The following VDAC2 variants were observed in gnomAD, a reference collection of about 807,000 sequenced individuals.
VDAC2 encodes the protein non-selective voltage-gated ion channel VDAC2.
Under a neutral mutation model 36.6 loss-of-function variants are expected in VDAC2, and 6 were observed. The observed-to-expected ratio is 0.16, with a 90% CI of 0.09 to 0.32. VDAC2 has a LOEUF of 0.32. VDAC2 is among the 10% of genes least tolerant of loss of function. The pLI, the probability that VDAC2 is intolerant of heterozygous loss-of-function variation, is 1.00. For synonymous variants in VDAC2, 109 were observed against 123.8 expected, an observed-to-expected ratio of 0.88 and a Z score of 0.79; for missense variants, 247 against 346.0, an observed-to-expected ratio of 0.71 and a Z score of 2.27.
chr10:75,223,713 T>TTAGG (rs1182389276), intron 8 of VDAC2, among the ~76,000 whole-genome samples: 1 of 152,216 alleles, frequency 6.6e-6, no homozygotes, highest in East Asian at 1.9e-4. Context: ...CTGGCCACCT[T>TTAGG]TAGGTAGCTT....
intron 3 of VDAC2, among the ~76,000 whole-genome samples, chr10:75,213,480 C>G (rs1170986733): frequency 6.6e-6 from 1 of 152,102 alleles, no homozygotes; most frequent in Non-Finnish European, 1.5e-5. Context: ...CGTGGTGGCT[C>G]ACACCTGTAA....
At chr10:75,216,180 T>C (rs1166842963) in intron 4 of VDAC2, among the ~76,000 whole-genome samples, 1 of 152,202 alleles carries the variant, frequency 6.6e-6, no homozygotes, top group African/African-American at 2.4e-5. Context: ...AATGTTCCCA[T>C]TGTTAGTCTA....
intron 6 of VDAC2, 54 bp from the exon 7 acceptor site, chr10:75,220,689 G>T: frequency 1.3e-6 from 2 of 1,485,188 alleles, no homozygotes; most frequent in South Asian, 1.2e-5. Context: ...GTGCTCTCTT[G>T]TGCAGAAGTG....
chr10:75,220,273 AT>A (rs1367567373), intron 6 of VDAC2, among the ~76,000 whole-genome samples: 3 of 150,642 alleles, frequency 2.0e-5, no homozygotes, highest in Non-Finnish European at 4.4e-5. Context: ...GCCTGGCTAA[AT>A]TTTTTTGTAT....
At chr10:75,215,877 A>G (rs941939804) in intron 4 of VDAC2, among the ~76,000 whole-genome samples, 2 of 151,976 alleles carry the variant, frequency 1.3e-5, no homozygotes, top group African/African-American at 4.8e-5. Flanking sequence ...GCTTGCCACC[A>G]TGCCCCGCTA....
At chr10:75,216,610 G>A (rs1841612834) in intron 4 of VDAC2, among the ~76,000 whole-genome samples, 2 of 152,130 alleles carry the variant, frequency 1.3e-5, no homozygotes, top group African/African-American at 4.8e-5. Context: ...CAAAATTTCT[G>A]GTGGTAAAGG....
chr10:75,222,482 T>C, intron 8 of VDAC2, 80 bp downstream of exon 8: 2 of 1,547,026 alleles, frequency 1.3e-6, no homozygotes, highest in South Asian at 2.4e-5. Context: ...TGTTGAAAAT[T>C]TGAACTGATT....
At chr10:75,219,608 C>G (rs1841740041) in intron 6 of VDAC2, among the ~76,000 whole-genome samples, 1 of 151,912 alleles carries the variant, frequency 6.6e-6, no homozygotes, top group African/African-American at 2.4e-5. Context: ...CTCTGCCTCC[C>G]TGAGTAGCTG....
At chr10:75,210,997 AGG>A in intron 1 of VDAC2, 59 bp downstream of exon 1, 1 of 778,088 alleles carries the variant, frequency 1.3e-6, no homozygotes, top group African/African-American at 1.8e-5. Context: ...GCCAAGCCGG[AGG>A]CCCGCGCCGG....
intron 3 of VDAC2, 31 bp downstream of exon 3, chr10:75,212,329 TAA>T: frequency 6.3e-7 from 1 of 1,580,558 alleles, no homozygotes; most frequent in South Asian, 1.1e-5. Flanking sequence ...ACGTTTTAGA[TAA>T]AGAGTGAAAA....
chr10:75,218,782 G>T (rs983953749), intron 4 of VDAC2, among the ~76,000 whole-genome samples: 2 of 151,870 alleles, frequency 1.3e-5, no homozygotes, highest in African/African-American at 4.8e-5. Context: ...AAGGTGTACA[G>T]TTTGTTCACT....
At chr10:75,213,424 A>G (rs1841493123) in intron 3 of VDAC2, among the ~76,000 whole-genome samples, 1 of 152,204 alleles carries the variant, frequency 6.6e-6, no homozygotes, top group South Asian at 2.1e-4. Context: ...CAGTTGAATG[A>G]TTTTTTAATC....
chr10:75,220,723 T>C lies in VDAC2; in HGVS notation c.357-20T>C. ...TGTGTGTAAATTTTTCCCAATGACA[T>C]CAGTTTGTTCTTTTTCCAGAAAGAA... On this transcript the variant is annotated intron_variant, in intron 6 of 9. Transcript: ENST00000332211. 1 of 1,596,062 alleles carries C rather than the reference T, an allele frequency of 6.3e-7. No homozygotes were observed. The highest frequency in any genetic ancestry group is 8.6e-7 in the Non-Finnish European group (1 of 1,168,028).
In VDAC2 at chr10:75,229,668, A is replaced by G. The variant is rs1419525473; in HGVS notation, c.760A>G (p.Ile254Val). The G allele has an allele frequency of 6.2e-7, 1 of 1,607,232 alleles. No homozygotes were observed. Among genetic ancestry groups the G allele is most frequent in the Non-Finnish European group, 8.5e-7 (1 of 1,178,084 alleles). The part of the protein sequence containing the change: ...ISAKVNNSSL[I>V]GVGYTQTLRP... ...GGCAAAAGTCAACAACTCTAGCTTA[A>G]TTGGAGTAGGCTATACTCAGACTCT... The change falls in exon 9 of 10, where the codon ATT becomes GTT. Residue 254 changes from isoleucine (I) to valine (V), a missense_variant. This residue lies in a region of VDAC2 where 159 missense variants were observed against 234.0 expected (regional missense o/e 0.68). Transcript: ENST00000332211.
intron 6 of VDAC2, among the ~76,000 whole-genome samples, chr10:75,220,194 CTCCTGGGTT>C (rs1841769457): frequency 6.6e-6 from 1 of 151,826 alleles, no homozygotes; most frequent in Non-Finnish European, 1.5e-5. Flanking sequence ...CAACCTCTGC[CTCCTGGGTT>C]GAAGCGATTC....
chr10:75,217,958 G>C, intron 4 of VDAC2: 2 of 1,288,120 alleles, frequency 1.6e-6, no homozygotes, highest in Non-Finnish European at 2.0e-6. Flanking sequence ...TTGGCGTGGT[G>C]ATGCTTGTGA....
chr10:75,218,336 G>C (rs1181030338), intron 4 of VDAC2: 1 of 152,346 alleles, frequency 6.6e-6, no homozygotes, highest in Admixed American at 6.5e-5. Context: ...CTTAATTTTT[G>C]TAGAGACATG....
chr10:75,222,538 A>C, intron 8 of VDAC2, 136 bp downstream of exon 8: 1 of 1,265,244 alleles, frequency 7.9e-7, no homozygotes, highest in Non-Finnish European at 1.1e-6. Context: ...AGATTTTGAA[A>C]TGCGCTTTTT....
At chr10:75,230,866 T>G in intron 9 of VDAC2, 32 bp from the exon 10 acceptor site, 1 of 1,593,810 alleles carries the variant, frequency 6.3e-7, no homozygotes, top group Non-Finnish European at 8.6e-7. Context: ...TACATCACGG[T>G]TTTTTGTTTT....
Sources: gnomAD v4.1 joint callset for allele counts (sites outside exome capture counted in the v4.1 genomes callset) on GRCh38, gnomAD v4.1.1 for gene constraint, gnomAD v4.1.1 regional missense constraint, MANE v1.5 for transcripts, NCBI Gene and HGNC (gene_info 2026-07-23, HGNC 2026-07-21) for gene names.